The following COX7A2L variants were observed in gnomAD, a reference collection of about 807,000 sequenced individuals.
COX7A2L encodes the protein cytochrome c oxidase subunit 7A2-like, mitochondrial.
COX7A2L carries 18 observed loss-of-function variants against 14.2 expected under a neutral mutation model. That is an observed-to-expected ratio of 1.27 (90% CI 0.88 to 1.88). The LOEUF is 1.88. Ranked by LOEUF, COX7A2L falls within the 40% of genes most tolerant of loss-of-function variation. The probability of loss-of-function intolerance (pLI) is 0.00; values close to 1 mark genes in which losing one functional copy is unlikely to be tolerated. For synonymous variants in COX7A2L, 65 were observed against 57.4 expected, an observed-to-expected ratio of 1.13 and a Z score of -0.60; for missense variants, 179 against 138.8, an observed-to-expected ratio of 1.29 and a Z score of -1.46.
chr2:42,361,221 C>T, upstream of COX7A2L: 1 of 1,485,724 alleles, frequency 6.7e-7, no homozygotes, highest in Non-Finnish European at 9.2e-7. Context: ...GAGAAGGACC[C>T]CGCCTCCCCG....
chr2:42,335,783 G>C (rs183671577), intron 2 of COX7A2L, among the ~76,000 whole-genome samples: 2 of 152,172 alleles, frequency 1.3e-5, no homozygotes, highest in African/African-American at 4.8e-5. Flanking sequence ...GAATGAAATC[G>C]GTTAAACTTC....
intron 1 of COX7A2L, chr2:42,360,859 GCCAGA>G: frequency 1.7e-6 from 1 of 584,098 alleles, no homozygotes; most frequent in South Asian, 2.0e-5. Flanking sequence ...CCTGCAGTGA[GCCAGA>G]CCAAACTTCC....
chr2:42,363,275 T>A (rs1178965276), upstream of COX7A2L, among the ~76,000 whole-genome samples: 1 of 152,220 alleles, frequency 6.6e-6, no homozygotes, highest in East Asian at 1.9e-4. Context: ...TTAGCCTTCT[T>A]GAGTCCCAGG....
intron 1 of COX7A2L, among the ~76,000 whole-genome samples, chr2:42,356,265 T>C (rs922163482): frequency 1.3e-5 from 2 of 152,178 alleles, no homozygotes; most frequent in Non-Finnish European, 2.9e-5. Context: ...TTTTAAAAAC[T>C]GCATGTCCTC....
intron 1 of COX7A2L, among the ~76,000 whole-genome samples, chr2:42,367,121 G>C (rs906925200): frequency 6.6e-6 from 1 of 152,106 alleles, no homozygotes; most frequent in Non-Finnish European, 1.5e-5. Flanking sequence ...TGGAGATTTG[G>C]CATTTCTTTA....
At chr2:42,360,266 T>C (rs1046324587) in intron 1 of COX7A2L, among the ~76,000 whole-genome samples, 4 of 152,170 alleles carry the variant, frequency 2.6e-5, no homozygotes, top group African/African-American at 9.7e-5. Flanking sequence ...CTGCCCAAAC[T>C]GCTAGTCACT....
chr2:42,361,157 T>C lies in COX7A2L; in HGVS notation c.5A>G (p.Tyr2Cys). Residue 2 changes from tyrosine (Y) to cysteine (C), a missense_variant, in exon 1 of 3, where the codon TAC becomes TGC. Transcript: ENST00000234301. The part of the protein sequence containing the change: M[Y>C]YKFSGFTQKL... Reference sequence around the variant, plus strand: ...CTGCGTGAAGCCACTAAACTTGTAGTACATGACGCCCAGAGTCCGGCTTCC... The same window carrying C: ...CTGCGTGAAGCCACTAAACTTGTAGCACATGACGCCCAGAGTCCGGCTTCC... 6.2e-7 allele frequency: 1 copy of C among 1,612,446 alleles called. No homozygotes were observed. The highest frequency in any genetic ancestry group is 1.1e-5 in the South Asian group (1 of 90,874).
chr2:42,344,735 T>C (rs920020527), downstream of COX7A2L, among the ~76,000 whole-genome samples: 1 of 151,772 alleles, frequency 6.6e-6, no homozygotes, highest in Non-Finnish European at 1.5e-5. Context: ...CCTGTAGTCC[T>C]AGCTACTCAG....
chr2:42,367,191 G>A (rs765409871), intron 1 of COX7A2L, among the ~76,000 whole-genome samples: 1 of 152,214 alleles, frequency 6.6e-6, no homozygotes, highest in African/African-American at 2.4e-5. Context: ...TGAAGAGGGT[G>A]ACAAGTACAT....
chr2:42,365,049 T>C (rs572702736), upstream of COX7A2L, among the ~76,000 whole-genome samples: 18 of 152,354 alleles, frequency 1.2e-4, no homozygotes, highest in African/African-American at 3.6e-4. Context: ...GTATGACTCA[T>C]AATTTATTTT....
At chr2:42,353,485 C>A (rs1670715799) in intron 1 of COX7A2L, 142 bp from the exon 2 acceptor site, 2 of 1,107,848 alleles carry the variant, frequency 1.8e-6, no homozygotes, top group African/African-American at 1.6e-5. Flanking sequence ...GAACCCCTTG[C>A]CATTACGATT....
intron 2 of COX7A2L, among the ~76,000 whole-genome samples, chr2:42,343,089 T>C (rs1670432320): frequency 6.6e-6 from 1 of 152,206 alleles, no homozygotes; most frequent in African/African-American, 2.4e-5. Flanking sequence ...AAGAGTCAGC[T>C]GCTGCCGCCC....
chr2:42,362,158 G>C (rs1558637753), upstream of COX7A2L, among the ~76,000 whole-genome samples: 2 of 152,206 alleles, frequency 1.3e-5, no homozygotes, highest in African/African-American at 4.8e-5. Flanking sequence ...TCTGGACCTT[G>C]AGCCTGAAAG....
At chr2:42,356,539 G>A (rs1316515440) in intron 1 of COX7A2L, among the ~76,000 whole-genome samples, 1 of 152,230 alleles carries the variant, frequency 6.6e-6, no homozygotes, top group Non-Finnish European at 1.5e-5. Context: ...GTAGGTTTGA[G>A]TATCTCAGAA....
In COX7A2L at chr2:42,342,833, G is replaced by A. The variant is rs1044439194; in HGVS notation, c.193-8964C>T. ...TTTTGCAGCAGACTTCCCCTGGGAA[G>A]TCAGCTCCAGCAGTCTTGGGACCCT... On this transcript the variant is annotated intron_variant, in intron 2 of 2. Coordinates refer to the COX7A2L transcript ENST00000468711. This position sits in a 1 kb window ranked among gnomAD's most constrained non-coding sequence, Gnocchi z 4.9. 1.3e-5 allele frequency among the ~76,000 whole-genome samples: 2 copies of A among 152,164 alleles called. No individual in the cohort carries two copies. The highest frequency in any genetic ancestry group is 3.9e-4 in the East Asian group (2 of 5,182).
In COX7A2L at chr2:42,338,473, G is replaced by C. The variant is rs1670331421; in HGVS notation, c.193-4604C>G. 6.6e-6 allele frequency among the ~76,000 whole-genome samples: 1 copy of C among 152,214 alleles called. No individual in the cohort carries two copies. The highest frequency in any genetic ancestry group is 2.1e-4 in the South Asian group (1 of 4,826). The stretch of plus-strand genomic sequence containing the variant: ...GGCCCCAGCTATGCTGGCAAGATCT[G>C]TGTTGATGTGGCCTGCCATGTGCTG... On this transcript the variant is annotated intron_variant, in intron 2 of 2. Coordinates refer to the COX7A2L transcript ENST00000468711. This position sits in a 1 kb window ranked among gnomAD's most constrained non-coding sequence, Gnocchi z 4.4.
At chr2:42,341,907 TCTAA>T (rs1667870021) in intron 2 of COX7A2L, among the ~76,000 whole-genome samples, 2 of 152,204 alleles carry the variant, frequency 1.3e-5, no homozygotes, top group South Asian at 4.1e-4. Context: ...TCTGGACGGC[TCTAA>T]TCAAACACCA....
At position 42,350,633 on chromosome 2, in the gene COX7A2L, A is replaced by G. The variant is rs538092632; in HGVS notation, c.*586T>C. ...AGACACCAGTCTAAAGTGCAACACT[A>G]AACAGGTATTCTCTGTTCCCACGGT... On this transcript the variant is annotated 3_prime_UTR_variant, in exon 3 of 3. Transcript: ENST00000234301. The G allele has an allele frequency of 6.6e-6, 1 of 151,134 alleles. No individual in the cohort carries two copies. Among genetic ancestry groups the G allele is most frequent in the African/African-American group, 2.4e-5 (1 of 40,906 alleles). The allele number at this position is 151,134 out of a possible 1,614,324, so 9.4% of individuals were successfully genotyped here.
At position 42,337,098 on chromosome 2, in the gene COX7A2L, G is replaced by A. The variant is rs537289006; in HGVS notation, c.193-3229C>T. ...TGTATAATGGATGTACAAAGTAAATGTACAAAGTAAATTATTCCTAAGGAA... is the reference window on the plus strand; with the variant it reads ...TGTATAATGGATGTACAAAGTAAATATACAAAGTAAATTATTCCTAAGGAA... On this transcript the variant is annotated intron_variant, in intron 2 of 2. Transcript: ENST00000468711. 1.7e-3 allele frequency among the ~76,000 whole-genome samples: 254 copies of A among 152,270 alleles called. 1 individual carries two copies. The highest frequency in any genetic ancestry group is 5.9e-3 in the African/African-American group (244 of 41,554).
Sources: gnomAD v4.1 joint callset for allele counts (sites outside exome capture counted in the v4.1 genomes callset) on GRCh38, gnomAD v4.1.1 for gene constraint, Gnocchi (gnomAD v3.1) non-coding constraint, MANE v1.5 for transcripts, NCBI Gene and HGNC (gene_info 2026-07-23, HGNC 2026-07-21) for gene names.